PCCA: variants seen among roughly 807,000 people sequenced by gnomAD.
The protein encoded by PCCA is propionyl-CoA carboxylase alpha chain, mitochondrial.
In PCCA, 74 loss-of-function variants were observed where a neutral mutation model predicts 101.3. That is an observed-to-expected ratio of 0.73 (90% CI 0.61 to 0.89). The LOEUF is 0.89. Ranked by LOEUF, PCCA falls within the 40% of genes least tolerant of loss-of-function variation. The pLI, the probability that PCCA is intolerant of heterozygous loss-of-function variation, is 0.00. For missense variants in PCCA, 891 were observed against 907.0 expected, an observed-to-expected ratio of 0.98 and a Z score of 0.23; for synonymous variants, 294 against 313.6, an observed-to-expected ratio of 0.94 and a Z score of 0.66.
At chr13:100,344,902 T>C (rs893067231) in intron 18 of PCCA, among the ~76,000 whole-genome samples, 1 of 152,208 alleles carries the variant, frequency 6.6e-6, no homozygotes, top group African/African-American at 2.4e-5. Context: ...TATTATCATA[T>C]CTGTTTTGGT....
At chr13:100,404,186 A>C (rs2077536646) in intron 19 of PCCA, among the ~76,000 whole-genome samples, 1 of 152,158 alleles carries the variant, frequency 6.6e-6, no homozygotes, top group Non-Finnish European at 1.5e-5. Context: ...TATCAAAAGG[A>C]AACCAGAGGA....
At chr13:100,281,619 A>G (rs527720506) in intron 12 of PCCA, among the ~76,000 whole-genome samples, 1 of 152,228 alleles carries the variant, frequency 6.6e-6, no homozygotes, top group African/African-American at 2.4e-5. Flanking sequence ...ATAAGAGTCT[A>G]CAATGGAAAA....
chr13:100,130,190 C>T (rs910905495), intron 4 of PCCA, among the ~76,000 whole-genome samples: 6 of 152,186 alleles, frequency 3.9e-5, no homozygotes, highest in African/African-American at 7.2e-5. Flanking sequence ...CTTAGCAAGT[C>T]GAGGCATTGT....
At chr13:100,521,163 T>A (rs1294713470) in intron 22 of PCCA, among the ~76,000 whole-genome samples, 1 of 152,224 alleles carries the variant, frequency 6.6e-6, no homozygotes, top group Non-Finnish European at 1.5e-5. Flanking sequence ...GTCATATTTT[T>A]CTTCATTTTA....
At chr13:100,133,465 TTACC>T (rs2050765512) in intron 4 of PCCA, among the ~76,000 whole-genome samples, 1 of 152,214 alleles carries the variant, frequency 6.6e-6, no homozygotes, top group South Asian at 2.1e-4. Flanking sequence ...TAAGAACTCT[TTACC>T]TAACTTCAGG....
chr13:100,431,464 G>C (rs573178136), intron 20 of PCCA, among the ~76,000 whole-genome samples: 1 of 152,078 alleles, frequency 6.6e-6, no homozygotes, highest in African/African-American at 2.4e-5. Context: ...TGTGTTTTGC[G>C]TTTGTGTAGA....
At chr13:100,376,874 G>A (rs2075943614) in intron 19 of PCCA, among the ~76,000 whole-genome samples, 1 of 152,196 alleles carries the variant, frequency 6.6e-6, no homozygotes, top group African/African-American at 2.4e-5. Context: ...CCTGCAGCTA[G>A]CTTGGTGTCT....
At chr13:100,302,364 T>C (rs1257939557) in intron 13 of PCCA, among the ~76,000 whole-genome samples, 2 of 152,210 alleles carry the variant, frequency 1.3e-5, no homozygotes, top group East Asian at 3.8e-4. Context: ...CGTGACTGTA[T>C]TGCTCTTGCT....
intron 7 of PCCA, among the ~76,000 whole-genome samples, chr13:100,217,696 T>C (rs944177963): frequency 6.0e-5 from 9 of 149,864 alleles, no homozygotes; most frequent in Admixed American, 5.3e-4. Flanking sequence ...CTACTAAAAA[T>C]ACAAAAAAAT....
At chr13:100,101,192 A>G (rs1350878946) in intron 1 of PCCA, among the ~76,000 whole-genome samples, 1 of 152,208 alleles carries the variant, frequency 6.6e-6, no homozygotes, top group Non-Finnish European at 1.5e-5. Flanking sequence ...CATGTGTGCA[A>G]GCTCTGTGGA....
At chr13:100,364,686 T>C (rs1055610266) in intron 18 of PCCA, among the ~76,000 whole-genome samples, 1 of 152,212 alleles carries the variant, frequency 6.6e-6, no homozygotes, top group Admixed American at 6.5e-5. Flanking sequence ...TTCGACTCTG[T>C]TTTGGTATTT....
At chr13:100,521,011 G>T (rs938379678) in intron 22 of PCCA, among the ~76,000 whole-genome samples, 1 of 152,112 alleles carries the variant, frequency 6.6e-6, no homozygotes, top group African/African-American at 2.4e-5. Flanking sequence ...TTCACGGAGC[G>T]CTTTCAGGCA....
intron 7 of PCCA, among the ~76,000 whole-genome samples, chr13:100,232,390 GT>G (rs1484702779): frequency 2.7e-5 from 4 of 150,076 alleles, no homozygotes; most frequent in South Asian, 2.2e-4. Context: ...GTGTGTGTGT[GT>G]GGTTTTAGAG....
At chr13:100,276,613 T>C (rs1010963045) in intron 12 of PCCA, among the ~76,000 whole-genome samples, 1 of 152,178 alleles carries the variant, frequency 6.6e-6, no homozygotes, top group African/African-American at 2.4e-5. Flanking sequence ...TTTGATATTT[T>C]TCATCTTTTT....
intron 21 of PCCA, among the ~76,000 whole-genome samples, chr13:100,489,358 C>A (rs563998394): frequency 1.6e-4 from 24 of 152,168 alleles, no homozygotes; most frequent in Non-Finnish European, 3.4e-4. Context: ...CCTGTATGTA[C>A]TGTCAGTGGC....
In PCCA at chr13:100,467,406, C is replaced by G. The variant is rs1008444594; in HGVS notation, c.1899+18101C>G. Among the ~76,000 whole-genome samples the G allele has an allele frequency of 7.9e-5, 12 of 152,246 alleles. 1 individual carries two copies. The South Asian group carries it at 2.5e-3, about 32-fold the overall frequency. ...TCTTTTTTTGAGATGGAGTCTTGCT[C>G]TGTTGCCCAGGCTGGAGTGCAGTGG... On this transcript the variant is annotated intron_variant, in intron 21 of 23. Transcript: ENST00000376285.
intron 2 of PCCA, among the ~76,000 whole-genome samples, chr13:100,104,790 AC>A (rs2047599691): frequency 6.6e-6 from 1 of 151,688 alleles, no homozygotes; most frequent in Non-Finnish European, 1.5e-5. Context: ...TGCAACCTCC[AC>A]CTCCCAGGTT....
intron 19 of PCCA, among the ~76,000 whole-genome samples, chr13:100,376,492 T>G (rs2075909846): frequency 6.6e-6 from 1 of 151,656 alleles, no homozygotes; most frequent in South Asian, 2.1e-4. Flanking sequence ...GAGATAGGAG[T>G]TTTATCTAGA....
Position 100,530,262 on chromosome 13 carries a change from T to G in PCCA, c.*96T>G. On this transcript the variant is annotated 3_prime_UTR_variant, in exon 24 of 24. Transcript: ENST00000376285. ...TTCAAGCATTATACAGGAACACCCC[T>G]GTGCAGCTACGTTTACGTCGTCATT... 4.1e-6 allele frequency: 4 copies of G among 982,192 alleles called. No individual in the cohort carries two copies. Among genetic ancestry groups the G allele is most frequent in the Non-Finnish European group, 6.5e-6 (4 of 614,712 alleles). The allele number at this position is 982,192 out of a possible 1,614,324, so 60.8% of individuals were successfully genotyped here.
Sources: allele counts gnomAD v4.1 joint callset (sites outside exome capture counted in the v4.1 genomes callset), GRCh38; gene constraint gnomAD v4.1.1; transcripts MANE v1.5; gene names NCBI Gene and HGNC (gene_info 2026-07-23, HGNC 2026-07-21).